The following LAMB4 variants were observed in gnomAD, a reference collection of about 807,000 sequenced individuals.
LAMB4 encodes the protein laminin subunit beta 4, also known as laminin subunit beta-4.
A neutral mutation model predicts 199.2 loss-of-function variants in LAMB4; 196 were observed. The observed-to-expected ratio is 0.98, with a 90% confidence interval of 0.88 to 1.11. LAMB4 has a LOEUF of 1.11. Ranked by LOEUF, LAMB4 falls within the 50% of genes least tolerant of loss-of-function variation. The pLI is 0.00. For missense variants in LAMB4, 2,080 were observed against 2,171.2 expected (o/e 0.96, Z 0.83); for synonymous variants, 744 against 770.6 (o/e 0.97, Z 0.57).
chr7:108,106,403 G>A lies in LAMB4; in HGVS notation c.655+106C>T, dbSNP rs921812465. On this transcript the variant is annotated intron_variant, in intron 7 of 33. Transcript: ENST00000388781. ...ACTGCACTCCAGCCTGGATGACAGG[G>A]CAAGACTCCGTCTCAAGAAAAAAAA... The A allele has an allele frequency of 5.0e-5, 35 of 701,922 alleles. No individual in the cohort carries two copies. In the Admixed American group the frequency reaches 7.2e-4, roughly 14 times the overall value. 43.5% of individuals were successfully genotyped at this position (701,922 alleles called of 1,614,324 possible).
chr7:108,078,352 G>A, intron 15 of LAMB4, 36 bp from the exon 16 acceptor site: 1 of 1,315,474 alleles, frequency 7.6e-7, no homozygotes. Context: ...GTCACTGCAA[G>A]GATGCAGGAA....
chr7:108,031,130 A>C lies in LAMB4; in HGVS notation c.4819-151T>G, dbSNP rs992199678. 1.6e-5 allele frequency: 9 copies of C among 577,778 alleles called. No individual in the cohort carries two copies. In the African/African-American group the frequency reaches 1.7e-4, roughly 11 times the overall value. 35.8% of individuals were successfully genotyped at this position (577,778 alleles called of 1,614,324 possible). ...TTCTGTTGCATTTATTTAAAATATT[A>C]TAATAAAATATTTCAGACATACAAA... On this transcript the variant is annotated intron_variant, in intron 31 of 33. Transcript: ENST00000388781.
At position 108,043,859 on chromosome 7, in the gene LAMB4, T is replaced by C. The variant is rs760128370; in HGVS notation, c.4364A>G (p.Asn1455Ser). ...TTTTTCCCTCAGCTGTAAGGCATTG[T>C]TTTTGGAGACTTCTGCCTGTTCACT... Reference protein sequence around the residue: ...SISEQAEVSKNNALQLREKLG... With the variant: ...SISEQAEVSKSNALQLREKLG... Residue 1455 changes from asparagine to serine, a missense_variant, in exon 29 of 34, where the codon AAC (asparagine) becomes AGC (serine). Transcript: ENST00000388781. 1.2e-6 allele frequency: 2 copies of C among 1,608,012 alleles called. No homozygotes were observed. The highest frequency in any genetic ancestry group is 4.5e-5 in the East Asian group (2 of 44,548).
intron 21 of LAMB4, among the ~76,000 whole-genome samples, chr7:108,065,121 T>C (rs2036291486): frequency 6.6e-6 from 1 of 152,170 alleles, no homozygotes; most frequent in South Asian, 2.1e-4. Context: ...CGGCCCAGGC[T>C]GGTCTTGGAT....
intron 3 of LAMB4, among the ~76,000 whole-genome samples, chr7:108,114,236 A>G (rs2150678512): frequency 6.6e-6 from 1 of 152,258 alleles, no homozygotes; most frequent in African/African-American, 2.4e-5. Context: ...AGCTTGGGCA[A>G]CATAGTGGGA....
At position 108,052,091 on chromosome 7, in the gene LAMB4, C is replaced by T; in HGVS notation, c.3916+6G>A. On this transcript the variant is annotated splice_donor_region_variant and intron_variant, in intron 26 of 33. Transcript: ENST00000388781. ...AGACACAGTCAAAAATACATTTTTCCCTTACCCGCAATGCTTGCATTAAGG... is the reference window on the plus strand; with the variant it reads ...AGACACAGTCAAAAATACATTTTTCTCTTACCCGCAATGCTTGCATTAAGG... 2 of 1,594,750 alleles carry T rather than the reference C, an allele frequency of 1.3e-6. No individual in the cohort carries two copies. The highest frequency in any genetic ancestry group is 8.5e-7 in the Non-Finnish European group (1 of 1,169,896).
In LAMB4 at chr7:108,047,911, AT is replaced by A; in HGVS notation, c.4322del (p.Asn1441IlefsTer6). The A allele has an allele frequency of 1.2e-6, 2 of 1,613,058 alleles. No individual in the cohort carries two copies. Among genetic ancestry groups the A allele is most frequent in the African/African-American group, 2.7e-5 (2 of 74,986 alleles). On this transcript the variant is annotated frameshift_variant, in exon 28 of 34. Transcript: ENST00000388781. LOFTEE classifies it high-confidence loss of function. ...NLDKQVRGLK[N>X]QIESISEQAE... ...TAAAGCAAGAGAAGATATTTACCTGATTTTTCAACCCACGAACCTGTTTGTC... is the reference window on the plus strand; with the variant it reads ...TAAAGCAAGAGAAGATATTTACCTGATTTTCAACCCACGAACCTGTTTGTC...
chr7:108,018,646 A>C (rs1437377001), downstream of LAMB4, among the ~76,000 whole-genome samples: 1 of 152,110 alleles, frequency 6.6e-6, no homozygotes, highest in Non-Finnish European at 1.5e-5. Context: ...CGGAGGTTGC[A>C]GTGAGCTGAG....
At position 108,073,981 on chromosome 7, in the gene LAMB4, T is replaced by C. The variant is rs1012175915; in HGVS notation, c.2124+2963A>G. ...GGTGGTGGTGGTGGTGGTGAACCTGTAGCTGAGCATTTATAAGGCACTGCT... is the reference window on the plus strand; with the variant it reads ...GGTGGTGGTGGTGGTGGTGAACCTGCAGCTGAGCATTTATAAGGCACTGCT... On this transcript the variant is annotated intron_variant, in intron 17 of 33. Coordinates refer to ENST00000388781, the MANE Select transcript of LAMB4 (RefSeq NM_007356.3). Among the ~76,000 whole-genome samples the C allele has an allele frequency of 3.9e-5, 6 of 152,150 alleles. No homozygotes were observed. In the East Asian group the frequency reaches 5.8e-4, roughly 15 times the overall value.
the LAMB4 span, among the ~76,000 whole-genome samples, chr7:108,011,952 AT>A: frequency 2.6e-4 from 39 of 151,758 alleles, no homozygotes. Context: ...CTAATTTTCT[AT>A]TTCTATAAAC....
At chr7:108,022,881 C>T (rs369099424), downstream of LAMB4, among the ~76,000 whole-genome samples, 40 of 152,162 alleles carry the variant, frequency 2.6e-4, no homozygotes, top group East Asian at 9.6e-4. Context: ...GGCTTGATCT[C>T]GGCTCACTGC....
chr7:108,048,036 G>GCCCCTTCCGGCCCGTGC lies in LAMB4; in HGVS notation c.4181_4197dup (p.His1400AlafsTer19). On this transcript the variant is annotated frameshift_variant, in exon 28 of 34. Transcript: ENST00000388781. LOFTEE classifies it high-confidence loss of function. ...CAGCCGGGACCCCTACACTTCCTGT[G>GCCCCTTCCGGCCCGTGC]CCCCTTCCGGCCCGTGCAGAGAGCA... 1 of 1,614,074 alleles carries GCCCCTTCCGGCCCGTGC rather than the reference G, an allele frequency of 6.2e-7. No individual in the cohort carries two copies. Among genetic ancestry groups the GCCCCTTCCGGCCCGTGC allele is most frequent in the East Asian group, 2.2e-5 (1 of 44,880 alleles).
At chr7:108,037,723 A>T in intron 29 of LAMB4, 128 bp from the exon 30 acceptor site, 1 of 674,530 alleles carries the variant, frequency 1.5e-6, no homozygotes, top group Admixed American at 2.6e-5. Flanking sequence ...GAATACAGGG[A>T]TTAGATTGTA....
At chr7:108,021,701 C>G (rs1488396901), downstream of LAMB4, among the ~76,000 whole-genome samples, 3 of 151,392 alleles carry the variant, frequency 2.0e-5, no homozygotes, top group African/African-American at 7.3e-5. Context: ...AAGAGCAAAA[C>G]TTTGTCTCAA....
intron 29 of LAMB4, among the ~76,000 whole-genome samples, chr7:108,039,671 G>T (rs981055138): frequency 6.6e-6 from 1 of 152,050 alleles, no homozygotes; most frequent in Non-Finnish European, 1.5e-5. Flanking sequence ...GTTTTGCCAC[G>T]TTGGCCAGGC....
At chr7:108,020,236 G>T (rs1162600815), downstream of LAMB4, among the ~76,000 whole-genome samples, 1 of 152,066 alleles carries the variant, frequency 6.6e-6, no homozygotes, top group East Asian at 1.9e-4. Flanking sequence ...CACTTTGGGA[G>T]GCTGAGGTGG....
intron 31 of LAMB4, among the ~76,000 whole-genome samples, chr7:108,031,331 C>CAAA (rs60572529): frequency 2.7e-4 from 4 of 14,942 alleles, no homozygotes; most frequent in African/African-American, 9.2e-4. Context: ...TCAACAATAA[C>CAAA]AAAAAAAAAA....
intron 15 of LAMB4, 52 bp downstream of exon 15, chr7:108,079,549 G>T: frequency 7.1e-7 from 1 of 1,413,852 alleles, no homozygotes; most frequent in Non-Finnish European, 9.7e-7. Flanking sequence ...AACAGTTCAA[G>T]AATGTATTTC....
chr7:108,069,176 G>A (rs1563063925), intron 18 of LAMB4, among the ~76,000 whole-genome samples: 3 of 152,188 alleles, frequency 2.0e-5, no homozygotes. Flanking sequence ...GGTGACATTT[G>A]ACAAAGTTTG....
Sources: allele counts gnomAD v4.1 joint callset (sites outside exome capture counted in the v4.1 genomes callset), GRCh38; gene constraint gnomAD v4.1.1; transcripts MANE v1.5; gene names NCBI Gene and HGNC (gene_info 2026-07-23, HGNC 2026-07-21).